Variants in MPG observed in about 807,000 individuals in gnomAD.
The protein encoded by MPG is DNA-3-methyladenine glycosylase.
MPG carries 33 observed loss-of-function variants against 31.7 expected under a neutral mutation model. That is an observed-to-expected ratio of 1.04 (90% CI 0.79 to 1.39). The LOEUF (loss-of-function observed/expected upper bound fraction) is 1.39, where lower values mean the gene tolerates loss of function less well. Ranked by LOEUF, MPG falls within the 40% of genes most tolerant of loss-of-function variation. The probability of loss-of-function intolerance (pLI) is 0.00; values close to 1 mark genes in which losing one functional copy is unlikely to be tolerated. For synonymous variants in MPG, 202 were observed against 169.2 expected (o/e 1.19, Z -1.51); for missense variants, 455 against 415.5 (o/e 1.10, Z -0.83).
chr16:81,717 GGGAAGGCCTCCTGAATGCTCCCCACA>G (rs1898243708), intron 2 of MPG, among the ~76,000 whole-genome samples: 1 of 94,284 alleles, frequency 1.1e-5, no homozygotes, highest in African/African-American at 1.1e-4. Context: ...CCCTATCTCC[GGGAAGGCCTCCTGAATGCTCCCCACA>G]CTGACCCCTT....
chr16:81,026 C>T (rs1276513704), intron 2 of MPG, among the ~76,000 whole-genome samples: 1 of 152,134 alleles, frequency 6.6e-6, no homozygotes, highest in East Asian at 1.9e-4. Flanking sequence ...ACCCTGTGTC[C>T]CTTGGATCAG....
At chr16:83,745 A>C (rs1898326532) in intron 3 of MPG, among the ~76,000 whole-genome samples, 1 of 151,906 alleles carries the variant, frequency 6.6e-6, no homozygotes, top group Admixed American at 6.6e-5. Context: ...CATCTCAAAA[A>C]AAAAAAAAAA....
At position 78,248 on chromosome 16, in the gene MPG, C is replaced by T. The variant is rs913737138; in HGVS notation, c.-62C>T. The T allele has an allele frequency of 2.2e-6, 3 of 1,360,076 alleles. No homozygotes were observed. In the East Asian group the frequency reaches 9.7e-5, roughly 44 times the overall value. The allele number at this position is 1,360,076 out of a possible 1,614,324, so 84.3% of individuals were successfully genotyped here. ...CCGGTCCTAGGGGTGCTTCCGTGGT[C>T]GGCGGCTGCTGGGCTCCGCGCCGGG... is the stretch of plus-strand genomic sequence containing the variant. On this transcript the variant is annotated 5_prime_UTR_variant, in exon 1 of 4. Coordinates refer to ENST00000356432, the MANE Select transcript of MPG (RefSeq NM_001015052.3).
At chr16:78,490 C>T (rs1898152577) in intron 1 of MPG, among the ~76,000 whole-genome samples, 157 bp downstream of exon 1, 1 of 152,130 alleles carries the variant, frequency 6.6e-6, no homozygotes, top group Admixed American at 6.5e-5. Context: ...GGGCCAAGCT[C>T]GGGCCGAGAG....
chr16:79,323 C>T, intron 1 of MPG, 102 bp from the exon 2 acceptor site: 2 of 1,611,642 alleles, frequency 1.2e-6, no homozygotes, highest in Non-Finnish European at 1.7e-6. Flanking sequence ...GATGAAGAAA[C>T]CAAAGCAGGT....
chr16:84,175 C>T (rs999731133), intron 3 of MPG: 2 of 152,200 alleles, frequency 1.3e-5, no homozygotes, highest in Non-Finnish European at 1.5e-5. Flanking sequence ...GGGTCCTGCT[C>T]CTCCCTACTG....
At chr16:80,230 C>T (rs2141883595) in intron 2 of MPG, among the ~76,000 whole-genome samples, 1 of 152,352 alleles carries the variant, frequency 6.6e-6, no homozygotes, top group Middle Eastern at 3.4e-3. Flanking sequence ...CAGATGCTCA[C>T]ACAGCCGTGG....
Position 85,748 on chromosome 16 carries a change from A to G in MPG, c.853A>G (p.Arg285Gly). ...CAGCCCCTGGGTCAGTGTGGTCGAC[A>G]GAGTGGCTGAGCAGGACACACAGGC... is the stretch of plus-strand genomic sequence containing the variant. ...RGSPWVSVVDRVAEQDTQA is the reference protein window; with the variant it reads ...RGSPWVSVVDGVAEQDTQA The change falls in exon 4 of 4, where the codon AGA (arginine) becomes GGA (glycine). Residue 285 changes from arginine to glycine, a missense_variant. By Grantham distance (125) the Arg-to-Gly change is moderately radical. Transcript: ENST00000356432. 1.3e-6 allele frequency: 2 copies of G among 1,513,334 alleles called. No individual in the cohort carries two copies. The highest frequency in any genetic ancestry group is 8.8e-7 in the Non-Finnish European group (1 of 1,129,988). 93.7% of individuals were successfully genotyped at this position (1,513,334 alleles called of 1,614,324 possible). A position where few individuals can be genotyped will look rare whatever the true frequency, so the allele number is the denominator to read the frequency against.
At chr16:80,483 C>T (rs1898209443) in intron 2 of MPG, among the ~76,000 whole-genome samples, 1 of 152,182 alleles carries the variant, frequency 6.6e-6, no homozygotes, top group African/African-American at 2.4e-5. Flanking sequence ...AACATTCTGT[C>T]CCCATGCGGA....
intron 3 of MPG, 29 bp from the exon 4 acceptor site, chr16:85,372 G>C: frequency 6.4e-7 from 1 of 1,569,714 alleles, no homozygotes; most frequent in Non-Finnish European, 8.6e-7. Flanking sequence ...GCCTAGGGAG[G>C]CTCCACTTCC....
At chr16:79,155 C>G in intron 1 of MPG, 1 of 1,519,210 alleles carries the variant, frequency 6.6e-7, no homozygotes, top group African/African-American at 1.4e-5. Flanking sequence ...CAGCCTGGGC[C>G]CCCATGCCGT....
At chr16:83,414 C>G in intron 3 of MPG, 158 bp downstream of exon 3, 1 of 686,136 alleles carries the variant, frequency 1.5e-6, no homozygotes, top group Non-Finnish European at 2.4e-6. Context: ...GCTACGCTGA[C>G]GGGGCAGGGC....
chr16:83,389 G>T, intron 3 of MPG, 133 bp downstream of exon 3: 3 of 921,588 alleles, frequency 3.3e-6, no homozygotes, highest in Middle Eastern at 2.2e-4. Context: ...CCAGGCCAGG[G>T]TTTCGGGAGC....
chr16:84,638 C>T (rs1898366266), intron 3 of MPG: 1 of 152,406 alleles, frequency 6.6e-6, no homozygotes. Context: ...TTGAGTGAGC[C>T]CCTGGGCCCA....
Position 83,108 on chromosome 16 carries a change from C to G in MPG, c.357C>G (p.Thr119=), listed in dbSNP as rs767399310. The change falls in exon 3 of 4, where the codon ACC becomes ACG. Residue 119 remains threonine (T), a synonymous_variant. Coordinates refer to ENST00000356432, the MANE Select transcript of MPG (RefSeq NM_001015052.3). The stretch of plus-strand genomic sequence containing the variant: ...AACTCCGAGGCCGCATCGTGGAGAC[C>G]GAGGCATACCTGGGGCCAGAGGATG... ...GTELRGRIVE[T]EAYLGPEDEA... 1.9e-6 allele frequency: 3 copies of G among 1,612,844 alleles called. No homozygotes were observed. The highest frequency in any genetic ancestry group is 1.1e-5 in the South Asian group (1 of 91,052).
intron 2 of MPG, among the ~76,000 whole-genome samples, chr16:80,453 C>T (rs1420406981): frequency 6.6e-6 from 1 of 152,206 alleles, no homozygotes; most frequent in African/African-American, 2.4e-5. Context: ...AATGTGGGCT[C>T]GACCTCATGG....
At chr16:79,220 C>G (rs1898171600) in intron 1 of MPG, 1 of 1,551,012 alleles carries the variant, frequency 6.4e-7, no homozygotes, top group African/African-American at 1.4e-5. Context: ...CAGCAGCCGT[C>G]CATCGTCAGA....
chr16:79,096 C>G, intron 1 of MPG: 1 of 1,452,522 alleles, frequency 6.9e-7, no homozygotes. Context: ...TCGGAGGGCA[C>G]CAGCCCTGCT....
At chr16:79,966 G>A (rs949953280) in intron 2 of MPG, 35 of 555,632 alleles carry the variant, frequency 6.3e-5, no homozygotes, top group Non-Finnish European at 1.0e-4. Flanking sequence ...ATCTAGGGCA[G>A]GAGCACTTGC....
Sources: gnomAD v4.1 joint callset for allele counts (sites outside exome capture counted in the v4.1 genomes callset) on GRCh38, gnomAD v4.1.1 for gene constraint, MANE v1.5 for transcripts, NCBI Gene and HGNC (gene_info 2026-07-23, HGNC 2026-07-21) for gene names.